Variants in DIS3L2 observed in about 807,000 individuals in gnomAD.
DIS3L2 encodes the protein DIS3 like 3'-5' exoribonuclease 2, also known as DIS3-like exonuclease 2.
DIS3L2 carries 34 observed loss-of-function variants against 97.5 expected under a neutral mutation model. That is an observed-to-expected ratio of 0.35 (90% confidence interval 0.27 to 0.46). The LOEUF is 0.46. DIS3L2 is among the 20% of genes least tolerant of loss of function. The pLI is 1.00. For missense variants in DIS3L2, 1,038 were observed against 1,146.0 expected, an observed-to-expected ratio of 0.91 and a Z score of 1.36; for synonymous variants, 435 against 445.2, an observed-to-expected ratio of 0.98 and a Z score of 0.29.
chr2:232,039,975 C>G (rs995957345), intron 5 of DIS3L2, among the ~76,000 whole-genome samples: 7 of 152,144 alleles, frequency 4.6e-5, no homozygotes, highest in Admixed American at 3.3e-4. Context: ...GAGATACAAA[C>G]TAGAATAGGT....
chr2:232,343,535 C>T (rs761474593), exon 14 of DIS3L2: 19 of 1,562,822 alleles, frequency 1.2e-5, no homozygotes, highest in African/African-American at 2.7e-5. Flanking sequence ...CCCCAAAACA[C>T]GATAAGAGTA....
intron 1 of DIS3L2, among the ~76,000 whole-genome samples, chr2:232,000,706 T>TC: frequency 6.9e-6 from 1 of 144,158 alleles, no homozygotes; most frequent in East Asian, 2.1e-4. Context: ...CTTTCTTTCC[T>TC]TCTTTCTTTC....
intron 9 of DIS3L2, among the ~76,000 whole-genome samples, chr2:232,188,934 A>G (rs1221396042): frequency 6.6e-6 from 1 of 152,238 alleles, no homozygotes; most frequent in East Asian, 1.9e-4. Flanking sequence ...ACTGAAGAGG[A>G]TATACAAATG....
intron 13 of DIS3L2, among the ~76,000 whole-genome samples, chr2:232,271,756 G>A (rs536312119): frequency 6.6e-6 from 1 of 152,302 alleles, no homozygotes; most frequent in East Asian, 1.9e-4. Flanking sequence ...AAGCAGTGAG[G>A]GGTGGAACAA....
chr2:232,251,529 A>G (rs1306976564), intron 12 of DIS3L2, among the ~76,000 whole-genome samples: 1 of 152,246 alleles, frequency 6.6e-6, no homozygotes, highest in African/African-American at 2.4e-5. Flanking sequence ...AAGTAAACAG[A>G]GGAAAAGAAA....
At chr2:232,191,364 C>G (rs921959000) in intron 9 of DIS3L2, among the ~76,000 whole-genome samples, 1 of 152,162 alleles carries the variant, frequency 6.6e-6, no homozygotes, top group Non-Finnish European at 1.5e-5. Flanking sequence ...TTTTTGGAAG[C>G]AGCCAAGTTA....
intron 10 of DIS3L2, among the ~76,000 whole-genome samples, chr2:232,221,236 C>T (rs1473356242): frequency 6.6e-6 from 1 of 151,848 alleles, no homozygotes; most frequent in African/African-American, 2.4e-5. Flanking sequence ...AAATGAAAGT[C>T]AACTTTATAT....
intron 1 of DIS3L2, among the ~76,000 whole-genome samples, chr2:231,967,094 T>A (rs956568047): frequency 3.9e-5 from 6 of 152,278 alleles, no homozygotes; most frequent in Non-Finnish European, 8.8e-5. Context: ...CTGGTCACAC[T>A]GGTAGGAAGG....
intron 13 of DIS3L2, among the ~76,000 whole-genome samples, chr2:232,273,062 C>T (rs1286234082): frequency 6.6e-6 from 1 of 152,128 alleles, no homozygotes; most frequent in African/African-American, 2.4e-5. Context: ...TCCACCTTCA[C>T]CCTGTGACCT....
intron 12 of DIS3L2, among the ~76,000 whole-genome samples, chr2:232,255,173 G>T (rs1040850836): frequency 1.3e-5 from 2 of 152,242 alleles, no homozygotes; most frequent in African/African-American, 4.8e-5. Context: ...GCCAGAGAAG[G>T]CCAACGGGCA....
Position 232,109,135 on chromosome 2 carries a change from C to T in DIS3L2, c.601+21414C>T, listed in dbSNP as rs574959598. The stretch of plus-strand genomic sequence containing the variant: ...GCAAAAAGAACAAAGCTGGAGGCAT[C>T]ACCCTACCCAACTTTAAACTATACT... On this transcript the variant is annotated intron_variant, in intron 6 of 20. Transcript: ENST00000325385. Among the ~76,000 whole-genome samples the T allele has an allele frequency of 2.0e-5, 3 of 152,308 alleles. No homozygotes were observed. The South Asian group carries it at 6.2e-4, about 32-fold the overall frequency.
At chr2:232,098,552 C>T (rs1278772418) in intron 6 of DIS3L2, among the ~76,000 whole-genome samples, 1 of 152,112 alleles carries the variant, frequency 6.6e-6, no homozygotes, top group African/African-American at 2.4e-5. Flanking sequence ...TGGGTTTTCA[C>T]CATGTTGGCC....
intron 14 of DIS3L2, among the ~76,000 whole-genome samples, chr2:232,327,132 T>C (rs1402458636): frequency 6.6e-6 from 1 of 152,180 alleles, no homozygotes; most frequent in Non-Finnish European, 1.5e-5. Context: ...CCCCCAGATA[T>C]TCAATTCCTA....
At chr2:232,134,955 G>T (rs1294619673) in intron 7 of DIS3L2, among the ~76,000 whole-genome samples, 1 of 152,154 alleles carries the variant, frequency 6.6e-6, no homozygotes, top group African/African-American at 2.4e-5. Flanking sequence ...TGGAGAACAG[G>T]CAAGGGTTAA....
intron 1 of DIS3L2, among the ~76,000 whole-genome samples, chr2:231,997,227 A>C (rs1364986121): frequency 6.6e-6 from 1 of 152,236 alleles, no homozygotes; most frequent in East Asian, 1.9e-4. Flanking sequence ...CCTACAACTG[A>C]TTTCTATTCC....
At chr2:232,031,007 A>G (rs1694790884) in intron 5 of DIS3L2, among the ~76,000 whole-genome samples, 1 of 152,172 alleles carries the variant, frequency 6.6e-6, no homozygotes. Flanking sequence ...GGCTACTTAG[A>G]TTTGAATCTC....
At chr2:232,062,816 T>C (rs1313858706) in intron 5 of DIS3L2, among the ~76,000 whole-genome samples, 1 of 152,010 alleles carries the variant, frequency 6.6e-6, no homozygotes, top group Non-Finnish European at 1.5e-5. Flanking sequence ...GCCTTACCTA[T>C]CTTACCTACC....
chr2:231,969,590 C>T (rs550363857), intron 1 of DIS3L2, among the ~76,000 whole-genome samples: 24 of 152,250 alleles, frequency 1.6e-4, no homozygotes, highest in African/African-American at 5.1e-4. Flanking sequence ...GGATTACAGG[C>T]GTGAACCACT....
rs1029886313 is a variant in DIS3L2, at chr2:232,249,272, G to A, written c.1351G>A (p.Glu451Lys). 2.5e-6 allele frequency: 4 copies of A among 1,614,056 alleles called. No individual in the cohort carries two copies. In the African/African-American group the frequency reaches 5.3e-5, roughly 22 times the overall value. The change falls in exon 12 of 21, where the codon GAG (glutamate) becomes AAG (lysine). Residue 451 changes from glutamate (E) to lysine (K), a missense_variant. By Grantham distance (56) the Glu-to-Lys change is moderately conservative. Coordinates refer to ENST00000325385, the MANE Select transcript of DIS3L2 (RefSeq NM_152383.5). ...VPMLPRLLCE[E>K]LCSLNPMSDK... is the part of the protein sequence containing the mutation. ...CATGCTTCCCAGGCTGCTGTGTGAG[G>A]AGCTGTGCAGCCTCAACCCCATGTC...
Sources: allele counts gnomAD v4.1 joint callset (sites outside exome capture counted in the v4.1 genomes callset), GRCh38; gene constraint gnomAD v4.1.1; transcripts MANE v1.5; gene names NCBI Gene and HGNC (gene_info 2026-07-23, HGNC 2026-07-21).